The following TRAF3 variants were observed in gnomAD, a reference collection of about 807,000 sequenced individuals.
TRAF3 encodes the protein TNF receptor associated factor 3, also known as TNF receptor-associated factor 3.
In TRAF3, 13 loss-of-function variants were observed where a neutral mutation model predicts 62.3. The observed-to-expected ratio is 0.21, with a 90% CI of 0.14 to 0.33. The LOEUF is 0.33. Among genes scored for constraint, TRAF3 ranks in the 10% least tolerant of loss-of-function variants. TRAF3 has a pLI of 1.00. For synonymous variants in TRAF3, 269 were observed against 283.4 expected, an observed-to-expected ratio of 0.95 and a Z score of 0.51; for missense variants, 440 against 741.8, an observed-to-expected ratio of 0.59 and a Z score of 4.73.
rs1900296952 is a variant in TRAF3, at chr14:102,826,144, TG to T, written c.-156-4187del. On this transcript the variant is annotated intron_variant, in intron 1 of 11. Transcript: ENST00000392745. The surrounding 1 kb of genome is among the most constrained non-coding windows in gnomAD (Gnocchi z 4.6). ...CAGTTGGTGTCAGTGAACTCTGTTT[TG>T]GGTATCTACAAAAGCAGAAGGGGAG... Among the ~76,000 whole-genome samples the T allele has an allele frequency of 2.0e-5, 3 of 152,230 alleles. No homozygotes were observed. In the South Asian group the frequency reaches 6.2e-4, roughly 32 times the overall value.
intron 6 of TRAF3, among the ~76,000 whole-genome samples, chr14:102,878,113 G>A (rs1888820562): frequency 6.6e-6 from 1 of 152,142 alleles, no homozygotes; most frequent in Non-Finnish European, 1.5e-5. Context: ...AAAATGAATA[G>A]TTATTCAAAA....
At chr14:102,825,710 C>T (rs539323738) in intron 1 of TRAF3, among the ~76,000 whole-genome samples, 10 of 152,360 alleles carry the variant, frequency 6.6e-5, no homozygotes, top group East Asian at 1.9e-4. Flanking sequence ...GTGAGAGTGG[C>T]GCTGCCACAG....
chr14:102,861,948 C>T (rs1887702382), intron 2 of TRAF3, among the ~76,000 whole-genome samples: 1 of 152,138 alleles, frequency 6.6e-6, no homozygotes, highest in African/African-American at 2.4e-5. Context: ...GGATGCTAAA[C>T]CCTTATTAGA....
chr14:102,895,293 G>A, intron 9 of TRAF3: 1 of 298,944 alleles, frequency 3.3e-6, no homozygotes. Flanking sequence ...GTTATATTTT[G>A]CCCATGAGAC....
intron 2 of TRAF3, among the ~76,000 whole-genome samples, chr14:102,841,214 T>G (rs1234375934): frequency 2.0e-5 from 3 of 152,112 alleles, no homozygotes; most frequent in Admixed American, 6.6e-5. Context: ...AGCTAGAATT[T>G]GTGGAGGAAA....
At chr14:102,876,018 C>T (rs1228109378) in intron 5 of TRAF3, among the ~76,000 whole-genome samples, 1 of 152,130 alleles carries the variant, frequency 6.6e-6, no homozygotes, top group Non-Finnish European at 1.5e-5. Context: ...CCTTTTTTCA[C>T]CATGAAATTC....
chr14:102,821,293 T>A (rs1026483135), intron 1 of TRAF3, among the ~76,000 whole-genome samples: 1 of 152,226 alleles, frequency 6.6e-6, no homozygotes, highest in Non-Finnish European at 1.5e-5. Context: ...TCTCAATCTT[T>A]CAGATTTTAT....
chr14:102,829,062 C>G (rs529225102), intron 1 of TRAF3, among the ~76,000 whole-genome samples: 1 of 152,180 alleles, frequency 6.6e-6, no homozygotes, highest in Admixed American at 6.5e-5. Flanking sequence ...GGTGCTACCT[C>G]CAGCTGCTGC....
chr14:102,821,651 T>A (rs1221750516), intron 1 of TRAF3, among the ~76,000 whole-genome samples: 3 of 152,248 alleles, frequency 2.0e-5, no homozygotes, highest in Non-Finnish European at 2.9e-5. Context: ...AATGTTTGAT[T>A]TCTTAGTGTG....
intron 1 of TRAF3, among the ~76,000 whole-genome samples, chr14:102,824,031 C>T (rs897166137): frequency 6.6e-6 from 1 of 152,196 alleles, no homozygotes; most frequent in African/African-American, 2.4e-5. Flanking sequence ...GTTGTTTCTA[C>T]TTTTTGGCTG....
At chr14:102,804,861 T>C (rs1399748754) in intron 1 of TRAF3, among the ~76,000 whole-genome samples, 2 of 152,188 alleles carry the variant, frequency 1.3e-5, no homozygotes, top group African/African-American at 4.8e-5. Flanking sequence ...CTGTATGATA[T>C]GTAATATATA....
chr14:102,903,513 A>G lies in TRAF3; in HGVS notation c.1135+84A>G, dbSNP rs1434650204. On this transcript the variant is annotated intron_variant, in intron 11 of 11. Transcript: ENST00000392745. The surrounding 1 kb of genome is among the most constrained non-coding windows in gnomAD (Gnocchi z 6.4). ...GGGCGGGGTCCGTGGGATGAGGGCT[A>G]TGTTAGGTACATGTGCCTTAGGACA... 1.9e-6 allele frequency: 3 copies of G among 1,581,524 alleles called. No homozygotes were observed. The highest frequency in any genetic ancestry group is 1.7e-5 in the Admixed American group (1 of 57,248).
At chr14:102,819,055 T>TG (rs537669368) in intron 1 of TRAF3, among the ~76,000 whole-genome samples, 3 of 142,066 alleles carry the variant, frequency 2.1e-5, no homozygotes, top group Admixed American at 7.0e-5. Context: ...ACTCTGTCTC[T>TG]AAAAAAAAAA....
At chr14:102,873,532 G>A (rs2139843197) in intron 4 of TRAF3, among the ~76,000 whole-genome samples, 1 of 152,320 alleles carries the variant, frequency 6.6e-6, no homozygotes. Context: ...AAGAAAAATG[G>A]CTAGTTTTAT....
At chr14:102,809,855 G>A (rs1209591233) in intron 1 of TRAF3, among the ~76,000 whole-genome samples, 3 of 152,138 alleles carry the variant, frequency 2.0e-5, no homozygotes, top group Admixed American at 1.3e-4. Context: ...TAAAGACCAT[G>A]TAGGCAAGAA....
At chr14:102,879,549 G>A (rs757840111) in intron 6 of TRAF3, among the ~76,000 whole-genome samples, 11 of 152,006 alleles carry the variant, frequency 7.2e-5, no homozygotes, top group Non-Finnish European at 1.6e-4. Flanking sequence ...GTGAGCCATC[G>A]CACCCAGCCG....
intron 2 of TRAF3, among the ~76,000 whole-genome samples, chr14:102,839,236 TTTGA>T (rs1365210227): frequency 2.3e-5 from 3 of 130,834 alleles, no homozygotes; most frequent in African/African-American, 8.6e-5. Context: ...TTTTTTTTTT[TTTGA>T]AACAGTCTCA....
intron 1 of TRAF3, among the ~76,000 whole-genome samples, chr14:102,827,513 T>C (rs1029826235): frequency 1.3e-5 from 2 of 152,256 alleles, no homozygotes; most frequent in African/African-American, 4.8e-5. Flanking sequence ...TTAAATATTT[T>C]GTGCATGAAA....
At chr14:102,804,038 C>T (rs910025551) in intron 1 of TRAF3, among the ~76,000 whole-genome samples, 23 of 151,938 alleles carry the variant, frequency 1.5e-4, no homozygotes, top group African/African-American at 3.4e-4. Flanking sequence ...TGTTAGTGTG[C>T]GCCTGTGGTC....
Sources: allele counts gnomAD v4.1 joint callset (sites outside exome capture counted in the v4.1 genomes callset), GRCh38; gene constraint gnomAD v4.1.1; non-coding constraint Gnocchi (gnomAD v3.1); transcripts MANE v1.5; gene names NCBI Gene and HGNC (gene_info 2026-07-23, HGNC 2026-07-21).